The following OR9I1 variants were observed in gnomAD, a reference collection of about 807,000 sequenced individuals.
OR9I1 encodes the protein olfactory receptor 9I1.
A neutral mutation model predicts 11.2 loss-of-function variants in OR9I1; 7 were observed. The ratio of observed to expected loss-of-function variants is 0.62; its 90% CI spans 0.36 to 1.17. The LOEUF (loss-of-function observed/expected upper bound fraction) is 1.17, where lower values mean the gene tolerates loss of function less well. OR9I1 is among the 50% of genes most tolerant of loss of function. OR9I1 has a pLI of 0.02. For missense variants in OR9I1, 428 were observed against 377.2 expected (o/e 1.13, Z -1.12); for synonymous variants, 165 against 153.4 (o/e 1.08, Z -0.56).
intron 2 of OR9I1, among the ~76,000 whole-genome samples, chr11:58,123,371 G>A (rs1346287130): frequency 1.3e-5 from 2 of 152,158 alleles, no homozygotes; most frequent in African/African-American, 4.8e-5. Flanking sequence ...TTCTGAAATT[G>A]TTGTAGGTCA....
chr11:58,120,803 C>CATATATATAT (rs61634454), intron 2 of OR9I1, among the ~76,000 whole-genome samples: 3,135 of 132,462 alleles, frequency 0.024, 79 homozygotes, highest in African/African-American at 0.044. Flanking sequence ...ATTTCAATAC[C>CATATATATAT]ATATATATAT....
chr11:58,119,350 A>G lies in OR9I1; in HGVS notation c.95T>C (p.Leu32Pro), dbSNP rs1314779170. ...KLEIPLFLVF[L>P]SFYLVTLLGN... ...AAGAAGGGTGACTAGGTAGAAACTCAGAAACACCAGAAAGAGGGGAATCTC... is the reference window on the plus strand; with the variant it reads ...AAGAAGGGTGACTAGGTAGAAACTCGGAAACACCAGAAAGAGGGGAATCTC... The change falls in exon 3 of 3, where the codon CTG (leucine) becomes CCG (proline). Residue 32 changes from leucine to proline, a missense_variant. Physicochemically the swap from Leu to Pro is moderately conservative, Grantham distance 98. Transcript: ENST00000641439. 1 of 1,613,856 alleles carries G rather than the reference A, an allele frequency of 6.2e-7. No individual in the cohort carries two copies. The highest frequency in any genetic ancestry group is 1.7e-5 in the Admixed American group (1 of 60,022).
rs766627351 is a variant in OR9I1, at chr11:58,119,212, G to A, written c.233C>T (p.Thr78Ile). ...GGCCAATGTGGCTAGGATCTGAGGG[G>A]TGATGACTGAGGTGTAACAGGCATC... Reference protein sequence around the residue: ...LLDACYTSVITPQILATLATG... With the variant: ...LLDACYTSVIIPQILATLATG... The change falls in exon 3 of 3, where the codon ACC (threonine) becomes ATC (isoleucine). Residue 78 changes from threonine (T) to isoleucine (I), a missense_variant. Physicochemically the swap from Thr to Ile is moderately conservative, Grantham distance 89. Coordinates refer to ENST00000641439, the MANE Select transcript of OR9I1 (RefSeq NM_001005211.2). The A allele has an allele frequency of 7.4e-6, 12 of 1,613,806 alleles. No homozygotes were observed. In the East Asian group the frequency reaches 2.2e-4, roughly 30 times the overall value.
chr11:58,120,819 TATATATATAC>T lies in OR9I1; in HGVS notation c.-22-1363_-22-1354del, dbSNP rs1478083978. ...TTTCAATACCATATATATATATATATATATATATACATATATTCTTGTTTTTTGACTGAGT... is the reference window on the plus strand; with the variant it reads ...TTTCAATACCATATATATATATATATATATATTCTTGTTTTTTGACTGAGT... On this transcript the variant is annotated intron_variant, in intron 2 of 2. Transcript: ENST00000641439. 2.0e-3 allele frequency among the ~76,000 whole-genome samples: 292 copies of T among 148,046 alleles called. 2 individuals are homozygous for T. The highest frequency in any genetic ancestry group is 3.2e-3 in the Non-Finnish European group (212 of 67,124).
intron 2 of OR9I1, among the ~76,000 whole-genome samples, chr11:58,119,997 T>G (rs191009551): frequency 1.3e-5 from 2 of 152,302 alleles, no homozygotes; most frequent in African/African-American, 2.4e-5. Context: ...CTGCCCACCA[T>G]TCCCTTATAG....
At chr11:58,124,036 T>C (rs1854063599) in intron 2 of OR9I1, among the ~76,000 whole-genome samples, 1 of 152,212 alleles carries the variant, frequency 6.6e-6, no homozygotes, top group Non-Finnish European at 1.5e-5. Context: ...TGGATGTTTA[T>C]CTAATATGGT....
rs144479851 is a variant in OR9I1 at position 58,119,112 on chromosome 11, C to T, written c.333G>A (p.Glu111=). The T allele has an allele frequency of 1.4e-4, 223 of 1,613,818 alleles. No homozygotes were observed. Among genetic ancestry groups the T allele is most frequent in the Non-Finnish European group, 1.7e-4 (199 of 1,179,936 alleles). Residue 111 remains glutamate (E), a synonymous_variant, in exon 3 of 3, where the codon GAG becomes GAA. Transcript: ENST00000641439. Reference sequence around the variant, plus strand: ...AGGCCATCACTGCCAGCAGAAAGCACTCTGTGCCTGCACAGATGGTGAATA... The same window carrying T: ...AGGCCATCACTGCCAGCAGAAAGCATTCTGTGCCTGCACAGATGGTGAATA... ...FFLFTICAGT[E]CFLLAVMAYD...
At chr11:58,124,415 T>A (rs953580993) in intron 2 of OR9I1, 23 bp downstream of exon 2, 1 of 152,182 alleles carries the variant, frequency 6.6e-6, no homozygotes, top group Non-Finnish European at 1.5e-5. Flanking sequence ...ACAGAAGAGA[T>A]GGTCCCTAAC....
chr11:58,119,060 G>T lies in OR9I1; in HGVS notation c.385C>A (p.Pro129Thr). The stretch of plus-strand genomic sequence containing the variant: ...TTCATGGCCACGGTATAGAGCAGTG[G>T]GTTGCGAATGGCAGCATAGCGATCA... Reference protein sequence around the residue: ...AYDRYAAIRNPLLYTVAMNPR... With the variant: ...AYDRYAAIRNTLLYTVAMNPR... The change falls in exon 3 of 3, where the codon CCA becomes ACA. Residue 129 changes from proline (P) to threonine (T), a missense_variant. Pro to Thr is a conservative substitution (Grantham distance 38). Transcript: ENST00000641439. 1 of 1,614,016 alleles carries T rather than the reference G, an allele frequency of 6.2e-7. No individual in the cohort carries two copies. Among genetic ancestry groups the T allele is most frequent in the Non-Finnish European group, 8.5e-7 (1 of 1,179,998 alleles).
chr11:58,120,659 T>G (rs557652128), intron 2 of OR9I1, among the ~76,000 whole-genome samples: 6 of 151,686 alleles, frequency 4.0e-5, no homozygotes, highest in South Asian at 2.1e-4. Context: ...CTAAATAATG[T>G]TGGCTACTTT....
In OR9I1 at chr11:58,118,682, G is replaced by A. The variant is rs1319191616; in HGVS notation, c.763C>T (p.Leu255Phe). 3.1e-6 allele frequency: 5 copies of A among 1,613,986 alleles called. No homozygotes were observed. Among genetic ancestry groups the A allele is most frequent in the Non-Finnish European group, 4.2e-6 (5 of 1,179,980 alleles). Residue 255 changes from leucine (L) to phenylalanine (F), a missense_variant, in exon 3 of 3, where the codon CTT becomes TTT. Physicochemically the swap from Leu to Phe is conservative, Grantham distance 22. Coordinates refer to ENST00000641439, the MANE Select transcript of OR9I1 (RefSeq NM_001005211.2). ...ITAVALFFGA[L>F]IFMYLQSGSG... is the part of the protein sequence containing the mutation. ...CCACTTTGCAGATACATGAAGATAA[G>A]GGCTCCAAAGAAAAGGGCCACAGCA...
chr11:58,124,679 C>G (rs1029395449), intron 1 of OR9I1, 40 bp from the exon 2 acceptor site: 1 of 152,084 alleles, frequency 6.6e-6, no homozygotes, highest in Non-Finnish European at 1.5e-5. Flanking sequence ...TTTTATTTTA[C>G]AGATGAGGAA....
intron 2 of OR9I1, among the ~76,000 whole-genome samples, chr11:58,121,997 G>A (rs1854037617): frequency 6.6e-6 from 1 of 152,262 alleles, no homozygotes; most frequent in African/African-American, 2.4e-5. Flanking sequence ...ATAACAGGCA[G>A]GTCCTCTGGC....
chr11:58,118,680 A>T lies in OR9I1; in HGVS notation c.765T>A (p.Leu255=). The part of the protein sequence containing the change: ...ITAVALFFGA[L]IFMYLQSGSG... ...AGCCACTTTGCAGATACATGAAGAT[A>T]AGGGCTCCAAAGAAAAGGGCCACAG... The change falls in exon 3 of 3, where the codon CTT becomes CTA. Residue 255 remains leucine, a synonymous_variant. Transcript: ENST00000641439. 1 of 1,614,062 alleles carries T rather than the reference A, an allele frequency of 6.2e-7. No homozygotes were observed. Among genetic ancestry groups the T allele is most frequent in the South Asian group, 1.1e-5 (1 of 91,030 alleles).
chr11:58,119,813 A>G (rs1378180344), intron 2 of OR9I1, among the ~76,000 whole-genome samples: 1 of 152,148 alleles, frequency 6.6e-6, no homozygotes, highest in Non-Finnish European at 1.5e-5. Flanking sequence ...CAGTTGCCGT[A>G]TGAGCCTCCA....
chr11:58,118,920 G>A lies in OR9I1; in HGVS notation c.525C>T (p.Asn175=), dbSNP rs765416819. 14 of 1,614,036 alleles carry A rather than the reference G, an allele frequency of 8.7e-6. No homozygotes were observed. Among genetic ancestry groups the A allele is most frequent in the Non-Finnish European group, 1.2e-5 (14 of 1,180,008 alleles). Residue 175 remains asparagine, a synonymous_variant, in exon 3 of 3, where the codon AAC becomes AAT. Transcript: ENST00000641439. ...GGGGTGGGAGGTCACAGAAGAAGAAGTTTATTTGATTGTCCTTACAGAAGG... is the reference window on the plus strand; with the variant it reads ...GGGGTGGGAGGTCACAGAAGAAGAAATTTATTTGATTGTCCTTACAGAAGG... The part of the protein sequence containing the change: ...TLSFCKDNQI[N]FFFCDLPPLL...
Position 58,119,262 on chromosome 11 carries a change from G to C in OR9I1, c.183C>G (p.Phe61Leu). ...CCAGCAGGGAGAGGTGGCTCAGGAA[G>C]AAGTACATTGGGGTGTAGAGTTTGA... ...VDVKLYTPMY[F>L]FLSHLSLLDA... Residue 61 changes from phenylalanine to leucine, a missense_variant, in exon 3 of 3, where the codon TTC (phenylalanine) becomes TTG (leucine). Phe to Leu is a conservative substitution (Grantham distance 22). Transcript: ENST00000641439. 1 of 1,614,014 alleles carries C rather than the reference G, an allele frequency of 6.2e-7. No homozygotes were observed. Among genetic ancestry groups the C allele is most frequent in the East Asian group, 2.2e-5 (1 of 44,812 alleles).
At chr11:58,123,332 TTAA>T (rs1403449506) in intron 2 of OR9I1, among the ~76,000 whole-genome samples, 12 of 152,194 alleles carry the variant, frequency 7.9e-5, no homozygotes, top group Admixed American at 7.9e-4. Flanking sequence ...GATAACTTGG[TTAA>T]TTTCAACACC....
rs762471068 is a variant in OR9I1, at chr11:58,119,086, T to C, written c.359A>G (p.Tyr120Cys). ...TECFLLAVMA[Y>C]DRYAAIRNPL... ...GTTGCGAATGGCAGCATAGCGATCA[T>C]AGGCCATCACTGCCAGCAGAAAGCA... is the stretch of plus-strand genomic sequence containing the variant. The change falls in exon 3 of 3, where the codon TAT becomes TGT. Residue 120 changes from tyrosine to cysteine, a missense_variant. Transcript: ENST00000641439. The C allele has an allele frequency of 1.2e-6, 2 of 1,613,820 alleles. No homozygotes were observed. The highest frequency in any genetic ancestry group is 1.7e-5 in the Admixed American group (1 of 60,000).
Sources: allele counts gnomAD v4.1 joint callset (sites outside exome capture counted in the v4.1 genomes callset), GRCh38; gene constraint gnomAD v4.1.1; transcripts MANE v1.5; gene names NCBI Gene and HGNC (gene_info 2026-07-23, HGNC 2026-07-21).